CACNA1S: variants seen among roughly 807,000 people sequenced by gnomAD.
CACNA1S encodes the protein voltage-dependent L-type calcium channel subunit alpha-1S.
A neutral mutation model predicts 207.4 loss-of-function variants in CACNA1S; 126 were observed. The ratio of observed to expected loss-of-function variants is 0.61; its 90% CI spans 0.53 to 0.70. The LOEUF (loss-of-function observed/expected upper bound fraction) is 0.70. Among genes scored for constraint, CACNA1S ranks in the 30% least tolerant of loss-of-function variants. The probability of loss-of-function intolerance (pLI) is 0.00; values close to 1 mark genes in which losing one functional copy is unlikely to be tolerated. For missense variants in CACNA1S, 2,349 were observed against 2,422.8 expected (o/e 0.97, Z 0.64); for synonymous variants, 960 against 932.7 (o/e 1.03, Z -0.53).
At chr1:201,052,496 G>T in intron 32 of CACNA1S, 61 bp downstream of exon 32, 1 of 1,350,274 alleles carries the variant, frequency 7.4e-7, no homozygotes, top group Non-Finnish European at 1.1e-6. Flanking sequence ...GTGCACATTA[G>T]AACAGAGCAA....
At chr1:201,095,400 A>G (rs575029987) in intron 2 of CACNA1S, among the ~76,000 whole-genome samples, 8 of 152,240 alleles carry the variant, frequency 5.3e-5, no homozygotes, top group Non-Finnish European at 1.0e-4. Context: ...GCGGAGCCAG[A>G]CTGGGGAACT....
intron 2 of CACNA1S, among the ~76,000 whole-genome samples, chr1:201,097,813 G>A (rs1050907335): frequency 1.3e-5 from 2 of 152,122 alleles, no homozygotes; most frequent in African/African-American, 2.4e-5. Flanking sequence ...AGAAGGCACC[G>A]CCAACTGGTG....
At chr1:201,041,282 C>T (rs973210193) in intron 41 of CACNA1S, among the ~76,000 whole-genome samples, 2 of 152,108 alleles carry the variant, frequency 1.3e-5, no homozygotes, top group African/African-American at 4.8e-5. Flanking sequence ...TGGGCTTTCC[C>T]CCTTCCACCT....
Position 201,112,223 on chromosome 1 carries a change from G to C in CACNA1S, c.117C>G (p.Pro39=), listed in dbSNP as rs761494499. ...CAATGCTGATGCAGGCCTTCCTCAG[G>C]GGGTTCTCCAGGGTCAGGCAGAACA... is the stretch of plus-strand genomic sequence containing the variant. ...RALFCLTLEN[P]LRKACISIVE... Residue 39 remains proline (P), a synonymous_variant, in exon 1 of 44, where the codon CCC becomes CCG. Coordinates refer to ENST00000362061, the MANE Select transcript of CACNA1S (RefSeq NM_000069.3). 2 of 1,613,946 alleles carry C rather than the reference G, an allele frequency of 1.2e-6. No individual in the cohort carries two copies. Among genetic ancestry groups the C allele is most frequent in the East Asian group, 2.2e-5 (1 of 44,808 alleles).
chr1:201,062,898 G>C (rs12048771), intron 22 of CACNA1S, among the ~76,000 whole-genome samples: 18,999 of 152,252 alleles, frequency 0.12, 1,772 homozygotes, highest in African/African-American at 0.26. Flanking sequence ...CTTACCTCCC[G>C]CACTGCTGCA....
intron 38 of CACNA1S, among the ~76,000 whole-genome samples, chr1:201,046,586 A>G (rs1660479735): frequency 6.6e-6 from 1 of 151,354 alleles, no homozygotes; most frequent in African/African-American, 2.4e-5. Flanking sequence ...TCTGTCGCCC[A>G]GGCTGAGGTT....
chr1:201,098,231 G>A (rs771108437), intron 2 of CACNA1S, among the ~76,000 whole-genome samples: 44 of 152,176 alleles, frequency 2.9e-4, no homozygotes, highest in Admixed American at 1.1e-3. Context: ...CCAGTGTCCC[G>A]GGGCACTGCT....
intron 2 of CACNA1S, among the ~76,000 whole-genome samples, chr1:201,101,034 C>G (rs904713628): frequency 1.4e-5 from 2 of 145,174 alleles, no homozygotes; most frequent in African/African-American, 5.1e-5. Context: ...CTCATCCAAG[C>G]GTTTTACATT....
At chr1:201,071,447 G>C (rs749547746) in intron 16 of CACNA1S, among the ~76,000 whole-genome samples, 1 of 152,110 alleles carries the variant, frequency 6.6e-6, no homozygotes, top group Non-Finnish European at 1.5e-5. Context: ...CTTCGAGTTA[G>C]CATATTTGCA....
In CACNA1S at chr1:201,083,228, C is replaced by T; in HGVS notation, c.1327G>A (p.Ala443Thr). The part of the protein sequence containing the change: ...VFYWLVILIV[A>T]LNTLSIASEH... Reference sequence around the variant, plus strand: ...GAGGCGATAGACAGGGTGTTGAGGGCAACGATGAGAATCACCAGCCAATAG... The same window carrying T: ...GAGGCGATAGACAGGGTGTTGAGGGTAACGATGAGAATCACCAGCCAATAG... The change falls in exon 10 of 44, where the codon GCC becomes ACC. Residue 443 changes from alanine (A) to threonine (T), a missense_variant. By Grantham distance (58) the Ala-to-Thr change is moderately conservative (BLOSUM62 0). Transcript: ENST00000362061. 6.2e-7 allele frequency: 1 copy of T among 1,614,208 alleles called. No homozygotes were observed. The highest frequency in any genetic ancestry group is 8.5e-7 in the Non-Finnish European group (1 of 1,180,046).
At chr1:201,070,793 C>T (rs1020206192) in intron 16 of CACNA1S, among the ~76,000 whole-genome samples, 2 of 152,160 alleles carry the variant, frequency 1.3e-5, no homozygotes, top group Non-Finnish European at 2.9e-5. Context: ...GTCTAACTTG[C>T]TGTGCAGTGC....
chr1:201,053,319 T>G lies in CACNA1S; in HGVS notation c.3796-45A>C, dbSNP rs575408791. The stretch of plus-strand genomic sequence containing the variant: ...GCCAGTCAGTGTCTTAGGGCTCCAC[T>G]GTGTGTCTGCAGCCCTGCCCTCTGT... On this transcript the variant is annotated intron_variant, in intron 30 of 43. Coordinates refer to ENST00000362061, the MANE Select transcript of CACNA1S (RefSeq NM_000069.3). This position sits in a 1 kb window ranked among gnomAD's most constrained non-coding sequence, Gnocchi z 5.1. 1.2e-6 allele frequency: 2 copies of G among 1,611,854 alleles called. No homozygotes were observed. Among genetic ancestry groups the G allele is most frequent in the Admixed American group, 1.7e-5 (1 of 60,008 alleles).
intron 38 of CACNA1S, 77 bp from the exon 39 acceptor site, chr1:201,044,533 CAG>C: frequency 6.5e-7 from 1 of 1,549,916 alleles, no homozygotes; most frequent in Non-Finnish European, 8.8e-7. Flanking sequence ...TTTTTTGAGA[CAG>C]AGTCTCACTC....
chr1:201,064,487 C>T lies in CACNA1S; in HGVS notation c.2853+1351G>A, dbSNP rs75990530. Among the ~76,000 whole-genome samples, 1,033 of 152,368 alleles carry T rather than the reference C, an allele frequency of 6.8e-3. 17 individuals carry two copies. The highest frequency in any genetic ancestry group is 0.023 in the African/African-American group (975 of 41,586). ...AGGATTTGGCTTGTAAGGCCCTCAG[C>T]TCTAGCAGAGGCCCTGGCTCAAGTA... On this transcript the variant is annotated intron_variant, in intron 22 of 43. Coordinates refer to ENST00000362061, the MANE Select transcript of CACNA1S (RefSeq NM_000069.3).
intron 1 of CACNA1S, 54 bp downstream of exon 1, chr1:201,112,134 A>G: frequency 2.0e-6 from 3 of 1,498,596 alleles, no homozygotes; most frequent in Non-Finnish European, 2.8e-6. Context: ...GATCACCCCG[A>G]ATCCCTCCCT....
In CACNA1S at chr1:201,074,574, G is replaced by A. The variant is rs16847664; in HGVS notation, c.1995C>T (p.Ala665=). ...GGGCAGAAGTCAGGCTCTCCGCCTC[G>A]GCCAGGTTGTCCACGGCAATGGCCA... ...VFLAIAVDNL[A]EAESLTSAQK... Residue 665 remains alanine, a synonymous_variant, in exon 14 of 44, where the codon GCC becomes GCT. Transcript: ENST00000362061. The A allele has an allele frequency of 4.4e-3, 7,146 of 1,613,926 alleles. 191 individuals carry two copies. The African/African-American group carries it at 0.063, about 14-fold the overall frequency.
At chr1:201,081,699 T>C (rs900574907) in intron 10 of CACNA1S, among the ~76,000 whole-genome samples, 1 of 151,300 alleles carries the variant, frequency 6.6e-6, no homozygotes, top group African/African-American at 2.4e-5. Context: ...ATGCTGGAGC[T>C]GGGGCCTGGT....
intron 28 of CACNA1S, among the ~76,000 whole-genome samples, chr1:201,054,828 T>G (rs1035518343): frequency 1.3e-5 from 2 of 152,198 alleles, no homozygotes; most frequent in African/African-American, 4.8e-5. Context: ...GACAGATCCC[T>G]TCTCATTTTG....
chr1:201,058,334 C>T, intron 28 of CACNA1S, 74 bp downstream of exon 28: 3 of 1,282,838 alleles, frequency 2.3e-6, no homozygotes, highest in Non-Finnish European at 3.4e-6. Context: ...CAGTGGGCAC[C>T]CCACAAATAT....
Sources: allele counts gnomAD v4.1 joint callset (sites outside exome capture counted in the v4.1 genomes callset), GRCh38; gene constraint gnomAD v4.1.1; non-coding constraint Gnocchi (gnomAD v3.1); transcripts MANE v1.5; gene names NCBI Gene and HGNC (gene_info 2026-07-23, HGNC 2026-07-21).